The following HTR2C variants were observed in gnomAD, a reference collection of about 807,000 sequenced individuals.
HTR2C encodes 5-hydroxytryptamine (serotonin) receptor 2C, G protein-coupled.
A neutral mutation model predicts 21.0 loss-of-function variants in HTR2C; 5 were observed. The observed-to-expected ratio is 0.24, with a 90% CI of 0.12 to 0.50. The LOEUF (loss-of-function observed/expected upper bound fraction) is 0.50, where lower values mean the gene tolerates loss of function less well. Among genes scored for constraint, HTR2C ranks in the 20% least tolerant of loss-of-function variants. The probability of loss-of-function intolerance (pLI) is 0.98; values close to 1 mark genes in which losing one functional copy is unlikely to be tolerated. For synonymous variants in HTR2C, 150 were observed against 145.3 expected (o/e 1.03, Z -0.23); for missense variants, 271 against 371.2 (o/e 0.73, Z 2.22).
intron 1 of HTR2C, among the ~76,000 whole-genome samples, chrX:114,608,236 C>T (rs782213762): frequency 3.6e-5 from 4 of 111,329 alleles, no homozygotes; most frequent in African/African-American, 9.8e-5. Flanking sequence ...GCTTTAACTC[C>T]GAATCACTTT....
At chrX:114,718,713 G>A (rs1043379105) in intron 2 of HTR2C, among the ~76,000 whole-genome samples, 14 of 109,552 alleles carry the variant, frequency 1.3e-4, no homozygotes, top group Non-Finnish European at 1.3e-4. Flanking sequence ...ATTGGTCTGA[G>A]TGTGTATTTA....
intron 1 of HTR2C, among the ~76,000 whole-genome samples, chrX:114,607,212 A>C (rs782402410): frequency 1.8e-5 from 2 of 112,131 alleles, no homozygotes; most frequent in Non-Finnish European, 3.8e-5. Context: ...CAGGGGATGC[A>C]ATGGCTTGGC....
At chrX:114,655,707 G>A (rs1930757844) in intron 2 of HTR2C, among the ~76,000 whole-genome samples, 1 of 111,302 alleles carries the variant, frequency 9.0e-6, no homozygotes, top group Admixed American at 9.6e-5. Flanking sequence ...GCTACACACT[G>A]TAGAATTCTT....
At chrX:114,819,364 T>A (rs1283688577) in intron 4 of HTR2C, among the ~76,000 whole-genome samples, 1 of 111,629 alleles carries the variant, frequency 9.0e-6, no homozygotes, top group Non-Finnish European at 1.9e-5. Context: ...GAGAAAAAAA[T>A]TTATTTCTTA....
intron 2 of HTR2C, among the ~76,000 whole-genome samples, chrX:114,725,252 T>G (rs1369596447): frequency 4.5e-5 from 5 of 111,282 alleles, no homozygotes. Flanking sequence ...CCTTCTCGCT[T>G]CATTTCATTC....
At chrX:114,592,744 GGTTA>G (rs1435410221) in intron 1 of HTR2C, among the ~76,000 whole-genome samples, 3 of 111,471 alleles carry the variant, frequency 2.7e-5, no homozygotes, top group African/African-American at 9.8e-5. Context: ...AGACTCTTAG[GGTTA>G]GTAATTGAAA....
chrX:114,587,433 T>C (rs1462887925), intron 1 of HTR2C, among the ~76,000 whole-genome samples: 3 of 111,797 alleles, frequency 2.7e-5, no homozygotes, highest in Non-Finnish European at 5.6e-5. Context: ...GAAGAACTGC[T>C]AAATTATGTT....
At chrX:114,725,152 C>G (rs1177984688) in intron 2 of HTR2C, among the ~76,000 whole-genome samples, 1 of 111,389 alleles carries the variant, frequency 9.0e-6, no homozygotes, top group Non-Finnish European at 1.9e-5. Context: ...TTCAGGTACA[C>G]CAATCAGAGG....
chrX:114,730,787 C>T (rs1462368592), intron 3 of HTR2C, among the ~76,000 whole-genome samples: 1 of 111,305 alleles, frequency 9.0e-6, no homozygotes, highest in African/African-American at 3.3e-5. Context: ...CTAAAGGAAT[C>T]AGTATTTTAA....
intron 4 of HTR2C, among the ~76,000 whole-genome samples, chrX:114,763,958 A>C (rs961271109): frequency 8.9e-6 from 1 of 111,877 alleles, no homozygotes; most frequent in South Asian, 3.7e-4. Flanking sequence ...CATTCTAAAT[A>C]CAAAAAGAAT....
At chrX:114,648,997 A>G (rs1930459466) in intron 2 of HTR2C, among the ~76,000 whole-genome samples, 1 of 111,656 alleles carries the variant, frequency 9.0e-6, no homozygotes, top group Non-Finnish European at 1.9e-5. Context: ...GTGATAATTT[A>G]TTGATTGCCT....
intron 2 of HTR2C, among the ~76,000 whole-genome samples, chrX:114,667,716 A>G (rs1931231336): frequency 9.0e-6 from 1 of 111,428 alleles, no homozygotes; most frequent in Non-Finnish European, 1.9e-5. Context: ...ATTGTACTCA[A>G]CTAGTTTTTC....
intron 2 of HTR2C, 143 bp from the exon 3 acceptor site, chrX:114,726,715 C>T: frequency 1.3e-5 from 4 of 311,519 alleles, no homozygotes; most frequent in Middle Eastern, 8.4e-4. Flanking sequence ...TTATCACTTA[C>T]ACAGTATAAC....
chrX:114,756,394 C>T (rs1556430283), intron 4 of HTR2C, among the ~76,000 whole-genome samples: 2 of 111,704 alleles, frequency 1.8e-5, no homozygotes, highest in Non-Finnish European at 3.8e-5. Context: ...AAAACCTGTC[C>T]ACTGATGTTT....
At chrX:114,704,641 C>T (rs1932704204) in intron 2 of HTR2C, among the ~76,000 whole-genome samples, 1 of 111,522 alleles carries the variant, frequency 9.0e-6, no homozygotes, top group Non-Finnish European at 1.9e-5. Context: ...CCTTTGAAAA[C>T]TGGCACAAGA....
chrX:114,644,964 A>G (rs1263074289), intron 2 of HTR2C, among the ~76,000 whole-genome samples: 1 of 110,975 alleles, frequency 9.0e-6, no homozygotes, highest in Non-Finnish European at 1.9e-5. Context: ...ACCAAAGTGC[A>G]TTCTCTATAA....
intron 2 of HTR2C, among the ~76,000 whole-genome samples, chrX:114,677,087 G>T (rs1434097096): frequency 1.8e-5 from 2 of 111,969 alleles, no homozygotes; most frequent in Non-Finnish European, 3.8e-5. Context: ...TGTGCTTGTT[G>T]TGTACTTGCA....
intron 2 of HTR2C, among the ~76,000 whole-genome samples, chrX:114,684,315 T>C (rs1270613428): frequency 8.9e-6 from 1 of 111,899 alleles, no homozygotes; most frequent in Non-Finnish European, 1.9e-5. Flanking sequence ...TATTAACTAA[T>C]CTCAAGTAAA....
At chrX:114,693,001 A>G (rs1932155247) in intron 2 of HTR2C, among the ~76,000 whole-genome samples, 2 of 111,874 alleles carry the variant, frequency 1.8e-5, no homozygotes, top group South Asian at 7.4e-4. Flanking sequence ...AAAGGAGTTC[A>G]GAGATAGGAG....
Sources: allele counts gnomAD v4.1 joint callset (sites outside exome capture counted in the v4.1 genomes callset), GRCh38; gene constraint gnomAD v4.1.1; transcripts MANE v1.5; gene names NCBI Gene and HGNC (gene_info 2026-07-23, HGNC 2026-07-21).